SETD9: variants seen among roughly 807,000 people sequenced by gnomAD.
The protein encoded by SETD9 is SET domain containing 9, also known as SET domain-containing protein 9.
A neutral mutation model predicts 36.4 loss-of-function variants in SETD9; 37 were observed. The ratio of observed to expected loss-of-function variants is 1.02; its 90% CI spans 0.78 to 1.34. The LOEUF (loss-of-function observed/expected upper bound fraction) is 1.34, where lower values mean the gene tolerates loss of function less well. SETD9 is among the 40% of genes most tolerant of loss of function. The pLI is 0.00. For synonymous variants in SETD9, 128 were observed against 132.9 expected (o/e 0.96, Z 0.26); for missense variants, 323 against 353.2 (o/e 0.91, Z 0.69).
downstream of SETD9, chr5:56,925,579 T>C (rs547824568): frequency 3.4e-5 from 7 of 204,278 alleles, no homozygotes; most frequent in East Asian, 4.4e-4. Flanking sequence ...TGAGAAAAAC[T>C]ACCAAACTCT....
chr5:56,909,822 G>T (rs1273939867), intron 1 of SETD9, 79 bp downstream of exon 1: 3 of 1,332,408 alleles, frequency 2.3e-6, no homozygotes, highest in Non-Finnish European at 3.1e-6. Flanking sequence ...ACGCAAAGCG[G>T]AGAGCCTGAG....
At chr5:56,912,985 T>C (rs766460599) in intron 2 of SETD9, 26 bp from the exon 3 acceptor site, 7 of 1,606,292 alleles carry the variant, frequency 4.4e-6, no homozygotes, top group Non-Finnish European at 6.0e-6. Context: ...GTTGTTATCA[T>C]ATTTCTTTGT....
chr5:56,912,307 C>A, intron 2 of SETD9: 1 of 815,700 alleles, frequency 1.2e-6, no homozygotes, highest in Non-Finnish European at 1.5e-6. Flanking sequence ...GCTAAATAGA[C>A]TACGTTATGT....
At position 56,913,135 on chromosome 5, in the gene SETD9, G is replaced by GT. The variant is rs1254827585; in HGVS notation, c.590+2dup. On this transcript the variant is annotated splice_donor_variant, in intron 3 of 5. Transcript: ENST00000285947. LOFTEE classifies it high-confidence loss of function. ...AAGGGATATCAAAAGTTGTGTACAG[G>GT]TAAGTGATGCCCATGTTCAAATTTA... 6.2e-7 allele frequency: 1 copy of GT among 1,613,588 alleles called. No individual in the cohort carries two copies. Among genetic ancestry groups the GT allele is most frequent in the Admixed American group, 1.7e-5 (1 of 59,948 alleles).
intron 1 of SETD9, chr5:56,910,650 G>C (rs1480116079): frequency 3.8e-6 from 1 of 261,194 alleles, no homozygotes; most frequent in East Asian, 1.3e-4. Flanking sequence ...GGAAATAAGA[G>C]GTGCAGTCAT....
chr5:56,912,875 T>A, intron 2 of SETD9, 136 bp from the exon 3 acceptor site: 4 of 827,238 alleles, frequency 4.8e-6, no homozygotes, highest in Non-Finnish European at 7.6e-6. Context: ...GTGCTCCATC[T>A]GCTATTGGGC....
chr5:56,918,969 C>G (rs932933508), downstream of SETD9, among the ~76,000 whole-genome samples: 9 of 152,072 alleles, frequency 5.9e-5, no homozygotes, highest in African/African-American at 2.2e-4. Flanking sequence ...ATAAGGAAGA[C>G]TAGTTGACCA....
intron 5 of SETD9, chr5:56,923,330 ATTTTCAATC>A (rs1749768878): frequency 1.2e-6 from 2 of 1,614,166 alleles, no homozygotes; most frequent in Non-Finnish European, 1.7e-6. Context: ...GGCAATGCCC[ATTTTCAATC>A]TTTTTGCTGG....
intron 1 of SETD9, 37 bp from the exon 2 acceptor site, chr5:56,911,132 T>C (rs1223981309): frequency 1.3e-6 from 2 of 1,510,114 alleles, no homozygotes; most frequent in East Asian, 4.6e-5. Context: ...CTTTTATCAG[T>C]TGAAGGGTAG....
intron 5 of SETD9, among the ~76,000 whole-genome samples, chr5:56,915,605 A>G (rs1749385050): frequency 1.3e-5 from 2 of 152,308 alleles, no homozygotes; most frequent in African/African-American, 4.8e-5. Flanking sequence ...ACTTTATTTT[A>G]TATAGGACCT....
Position 56,916,858 on chromosome 5 carries a change from C to A in SETD9, c.856C>A (p.Gln286Lys). ...TCTTGTCGCACTTAGGGACATCAAT[C>A]AAGGAGAAGAGCTTTTTTCAAACTA... Reference protein sequence around the residue: ...VVLVALRDINQGEELFSNYYT... With the variant: ...VVLVALRDINKGEELFSNYYT... Residue 286 changes from glutamine to lysine, a missense_variant, in exon 6 of 6, where the codon CAA becomes AAA. Coordinates refer to ENST00000285947, the MANE Select transcript of SETD9 (RefSeq NM_153706.4). 6.2e-7 allele frequency: 1 copy of A among 1,608,114 alleles called. No homozygotes were observed. Among genetic ancestry groups the A allele is most frequent in the Non-Finnish European group, 8.5e-7 (1 of 1,177,934 alleles).
In SETD9 at chr5:56,909,687, C is replaced by G. The variant is rs772953306; in HGVS notation, c.42C>G (p.Arg14=). The change falls in exon 1 of 6, where the codon CGC becomes CGG. Residue 14 remains arginine, a synonymous_variant. Transcript: ENST00000285947. ...RLLRGLWQRW[R]RYKYRFVPWI... ...TGCGGGGCCTGTGGCAGCGATGGCGCCGTTACAAGTACCGCTTCGTTCCCT... is the reference window on the plus strand; with the variant it reads ...TGCGGGGCCTGTGGCAGCGATGGCGGCGTTACAAGTACCGCTTCGTTCCCT... The G allele has an allele frequency of 6.2e-7, 1 of 1,610,012 alleles. No individual in the cohort carries two copies. The highest frequency in any genetic ancestry group is 8.5e-7 in the Non-Finnish European group (1 of 1,178,730).
At chr5:56,910,446 T>G in intron 1 of SETD9, 1 of 1,260,842 alleles carries the variant, frequency 7.9e-7, no homozygotes, top group Non-Finnish European at 1.0e-6. Flanking sequence ...CTCAACACCG[T>G]GCTCACCAAA....
intron 2 of SETD9, chr5:56,912,184 T>G (rs1057108695): frequency 4.1e-6 from 4 of 983,608 alleles, no homozygotes; most frequent in East Asian, 1.1e-4. Context: ...AGCGTACGGA[T>G]CAAAACATAA....
In SETD9 at chr5:56,909,719, C is replaced by T; in HGVS notation, c.74C>T (p.Ala25Val). The stretch of plus-strand genomic sequence containing the variant: ...AAGTACCGCTTCGTTCCCTGGATCG[C>T]ACTGAACCTAAGCCACAACCCGAGG... ...RYKYRFVPWI[A>V]LNLSHNPRTL... Residue 25 changes from alanine to valine, a missense_variant, in exon 1 of 6, where the codon GCA becomes GTA. By Grantham distance (64) the Ala-to-Val change is moderately conservative. Transcript: ENST00000285947. 6.2e-7 allele frequency: 1 copy of T among 1,611,394 alleles called. No homozygotes were observed. The highest frequency in any genetic ancestry group is 8.5e-7 in the Non-Finnish European group (1 of 1,179,038).
chr5:56,918,906 A>C (rs1167399771), downstream of SETD9, among the ~76,000 whole-genome samples: 1 of 152,196 alleles, frequency 6.6e-6, no homozygotes, highest in Admixed American at 6.5e-5. Flanking sequence ...TTTAGCTTAA[A>C]AAGATGTTTA....
At chr5:56,927,119 ATG>A (rs1561232245), downstream of SETD9, among the ~76,000 whole-genome samples, 1 of 125,184 alleles carries the variant, frequency 8.0e-6, no homozygotes, top group Non-Finnish European at 1.7e-5. Context: ...AGAATAAAAC[ATG>A]AGATTTTCAG....
intron 1 of SETD9, chr5:56,910,485 T>C (rs1749061837): frequency 1.8e-6 from 2 of 1,095,008 alleles, no homozygotes; most frequent in East Asian, 6.9e-5. Flanking sequence ...CTGAAGTCAG[T>C]GTCCGACAAA....
intron 2 of SETD9, among the ~76,000 whole-genome samples, chr5:56,911,836 A>AGAGAAACAT (rs1749146541): frequency 6.6e-6 from 1 of 152,234 alleles, no homozygotes; most frequent in Non-Finnish European, 1.5e-5. Context: ...AAAAAGCACT[A>AGAGAAACAT]GAGAAACATG....
Sources: gnomAD v4.1 joint callset for allele counts (sites outside exome capture counted in the v4.1 genomes callset) on GRCh38, gnomAD v4.1.1 for gene constraint, MANE v1.5 for transcripts, NCBI Gene and HGNC (gene_info 2026-07-23, HGNC 2026-07-21) for gene names.